Variants in ERBB4 observed in about 807,000 individuals in gnomAD.
The protein encoded by ERBB4 is receptor tyrosine-protein kinase erbB-4.
In ERBB4, 42 loss-of-function variants were observed where a neutral mutation model predicts 158.0. That is an observed-to-expected ratio of 0.27 (90% CI 0.21 to 0.34). The LOEUF (loss-of-function observed/expected upper bound fraction) is 0.34, where lower values mean the gene tolerates loss of function less well. Among genes scored for constraint, ERBB4 ranks in the 10% least tolerant of loss-of-function variants. ERBB4 has a pLI of 1.00. For missense variants in ERBB4, 1,333 were observed against 1,624.1 expected (o/e 0.82, Z 3.08); for synonymous variants, 583 against 558.7 (o/e 1.04, Z -0.61).
chr2:211,670,190 T>C (rs2071784948), intron 14 of ERBB4, among the ~76,000 whole-genome samples: 1 of 152,116 alleles, frequency 6.6e-6, no homozygotes, highest in Non-Finnish European at 1.5e-5. Flanking sequence ...TCTCTGACTC[T>C]AGTTGTGGTC....
intron 1 of ERBB4, among the ~76,000 whole-genome samples, chr2:212,279,662 G>T (rs1383984468): frequency 6.6e-6 from 1 of 151,478 alleles, no homozygotes; most frequent in Non-Finnish European, 1.5e-5. Context: ...CAAAAGACCT[G>T]TGGTATCATC....
At chr2:211,455,105 C>T (rs941355071) in intron 20 of ERBB4, among the ~76,000 whole-genome samples, 1 of 152,168 alleles carries the variant, frequency 6.6e-6, no homozygotes, top group Admixed American at 6.5e-5. Context: ...ATTTCTGTCC[C>T]CAATAAAATT....
At chr2:212,224,700 G>A (rs1279567244) in intron 1 of ERBB4, among the ~76,000 whole-genome samples, 1 of 151,856 alleles carries the variant, frequency 6.6e-6, no homozygotes, top group East Asian at 1.9e-4. Flanking sequence ...CCAACACGTA[G>A]CTTAAAAAGG....
chr2:211,424,416 T>C, intron 22 of ERBB4, 115 bp from the exon 23 acceptor site: 2 of 674,162 alleles, frequency 3.0e-6, no homozygotes, highest in Non-Finnish European at 5.0e-6. Flanking sequence ...CACCAATCAA[T>C]TAAAAAAAAA....
intron 1 of ERBB4, among the ~76,000 whole-genome samples, chr2:212,518,308 T>A: frequency 6.6e-6 from 1 of 152,010 alleles, no homozygotes; most frequent in Admixed American, 6.6e-5. Flanking sequence ...ATCTCAATCA[T>A]GAGAGTAATT....
intron 16 of ERBB4, among the ~76,000 whole-genome samples, chr2:211,656,728 T>C (rs1020877535): frequency 6.6e-6 from 1 of 152,208 alleles, no homozygotes; most frequent in African/African-American, 2.4e-5. Context: ...ATGCAGTATG[T>C]ATTTTTTTTA....
intron 1 of ERBB4, among the ~76,000 whole-genome samples, chr2:212,428,643 A>G (rs1204792666): frequency 6.6e-6 from 1 of 152,194 alleles, no homozygotes; most frequent in Non-Finnish European, 1.5e-5. Flanking sequence ...TATACTAAAA[A>G]TGTAAGAAAA....
At chr2:211,432,605 C>CAAAAAA (rs60438750) in intron 20 of ERBB4, among the ~76,000 whole-genome samples, 1 of 135,030 alleles carries the variant, frequency 7.4e-6, no homozygotes, top group Non-Finnish European at 1.7e-5. Context: ...CTTAAAGGAT[C>CAAAAAA]AAAAAAAAAA....
chr2:211,788,200 C>G, intron 3 of ERBB4, 41 bp from the exon 4 acceptor site: 2 of 1,510,048 alleles, frequency 1.3e-6, no homozygotes, highest in Non-Finnish European at 1.8e-6. Context: ...TGTCAAACTG[C>G]TTGTTGATGA....
At chr2:211,491,573 G>T (rs1416904476) in intron 20 of ERBB4, among the ~76,000 whole-genome samples, 2 of 151,906 alleles carry the variant, frequency 1.3e-5, no homozygotes, top group East Asian at 3.9e-4. Flanking sequence ...ATTAAATATT[G>T]ATTGAACACC....
chr2:212,330,064 A>G (rs2088059404), intron 1 of ERBB4, among the ~76,000 whole-genome samples: 1 of 152,100 alleles, frequency 6.6e-6, no homozygotes, highest in South Asian at 2.1e-4. Flanking sequence ...ATGGTGGAGA[A>G]AACAAACTGA....
intron 9 of ERBB4, among the ~76,000 whole-genome samples, chr2:211,709,304 T>TGAGA (rs368439466): frequency 3.6e-5 from 5 of 140,380 alleles, no homozygotes; most frequent in African/African-American, 1.1e-4. Context: ...TATATATATA[T>TGAGA]GAGAGAGAGA....
chr2:211,774,214 T>A (rs2075815122), intron 4 of ERBB4, among the ~76,000 whole-genome samples: 1 of 151,722 alleles, frequency 6.6e-6, no homozygotes, highest in Non-Finnish European at 1.5e-5. Flanking sequence ...CTGGGATTAC[T>A]AGCACCTGCC....
intron 7 of ERBB4, among the ~76,000 whole-genome samples, chr2:211,720,773 A>G (rs7564414): frequency 0.062 from 9,370 of 152,230 alleles, 355 homozygotes; most frequent in Non-Finnish European, 0.078. Flanking sequence ...AGGTCACACA[A>G]AGTGTTCATA....
chr2:211,497,642 A>G (rs1056008944), intron 20 of ERBB4, among the ~76,000 whole-genome samples: 5 of 152,142 alleles, frequency 3.3e-5, no homozygotes, highest in African/African-American at 1.2e-4. Context: ...AGTTTAAGGC[A>G]AGAAAAATTG....
chr2:211,464,384 CT>C (rs1304434105), intron 20 of ERBB4, among the ~76,000 whole-genome samples: 6 of 152,108 alleles, frequency 3.9e-5, no homozygotes, highest in Non-Finnish European at 2.9e-5. Context: ...CACATCAGCC[CT>C]TTTGTCAGAA....
At chr2:212,513,507 C>G (rs1408575921) in intron 1 of ERBB4, among the ~76,000 whole-genome samples, 1 of 152,054 alleles carries the variant, frequency 6.6e-6, no homozygotes, top group Non-Finnish European at 1.5e-5. Flanking sequence ...GAGTAAAACA[C>G]AAAGAAGTTA....
intron 1 of ERBB4, among the ~76,000 whole-genome samples, chr2:212,227,450 T>C (rs1451997307): frequency 6.6e-6 from 1 of 152,110 alleles, no homozygotes; most frequent in African/African-American, 2.4e-5. Context: ...GGTGTTAATC[T>C]TTCCTGAACA....
At chr2:211,993,083 T>C (rs1575485529) in intron 2 of ERBB4, among the ~76,000 whole-genome samples, 1 of 152,190 alleles carries the variant, frequency 6.6e-6, no homozygotes, top group East Asian at 1.9e-4. Flanking sequence ...ATCATCTCTG[T>C]TATGCACTGA....
Sources: allele counts gnomAD v4.1 joint callset (sites outside exome capture counted in the v4.1 genomes callset), GRCh38; gene constraint gnomAD v4.1.1; transcripts MANE v1.5; gene names NCBI Gene and HGNC (gene_info 2026-07-23, HGNC 2026-07-21).